The following IBTK variants were observed in gnomAD, a reference collection of about 807,000 sequenced individuals.
IBTK encodes inhibitor of Bruton tyrosine kinase, also known as BTK-binding protein.
A neutral mutation model predicts 154.9 loss-of-function variants in IBTK; 83 were observed. The observed-to-expected ratio is 0.54, with a 90% confidence interval of 0.45 to 0.64. The LOEUF (loss-of-function observed/expected upper bound fraction) is 0.64. Ranked by LOEUF, IBTK falls within the 30% of genes least tolerant of loss-of-function variation. IBTK has a pLI of 0.00. For synonymous variants in IBTK, 515 were observed against 536.1 expected (o/e 0.96, Z 0.54); for missense variants, 1,332 against 1,584.6 (o/e 0.84, Z 2.71).
intron 26 of IBTK, 104 bp downstream of exon 26, chr6:82,181,775 C>CA (rs1474672205): frequency 2.0e-5 from 15 of 764,990 alleles, no homozygotes; most frequent in Non-Finnish European, 2.8e-5. Flanking sequence ...AAAGAGTGTA[C>CA]AAAAAATCTG....
rs1769796700 is a variant in IBTK at position 82,214,617 on chromosome 6, A to G, written c.1814T>C (p.Ile605Thr). ...TGCAGAATCTTCATCTTTCTGGTAA[A>G]TATCTGTAAATTCTGAAGTATTACC... ...SDGNTSEFTDIYQKDEDSAGC... is the reference protein window; with the variant it reads ...SDGNTSEFTDTYQKDEDSAGC... The change falls in exon 12 of 29, where the codon ATT becomes ACT. Residue 605 changes from isoleucine (I) to threonine (T), a missense_variant. Ile to Thr is a moderately conservative substitution (Grantham distance 89). This residue lies in a region of IBTK where 1,134 missense variants were observed against 1,274.7 expected (regional missense o/e 0.89). Coordinates refer to ENST00000306270, the MANE Select transcript of IBTK (RefSeq NM_015525.4). The G allele has an allele frequency of 6.2e-7, 1 of 1,613,972 alleles. No individual in the cohort carries two copies. Among genetic ancestry groups the G allele is most frequent in the African/African-American group, 1.3e-5 (1 of 74,938 alleles).
At chr6:82,200,323 C>A in intron 20 of IBTK, 70 bp from the exon 21 acceptor site, 1 of 1,090,866 alleles carries the variant, frequency 9.2e-7, no homozygotes, top group Non-Finnish European at 1.4e-6. Flanking sequence ...TTATTTAACC[C>A]AACATGTTTA....
At chr6:82,226,153 A>G (rs1411792614) in intron 5 of IBTK, among the ~76,000 whole-genome samples, 4 of 152,210 alleles carry the variant, frequency 2.6e-5, no homozygotes, top group Non-Finnish European at 4.4e-5. Context: ...TGAAAACAGT[A>G]ATCAGTCAAT....
At chr6:82,206,883 C>A (rs1176091519) in intron 16 of IBTK, among the ~76,000 whole-genome samples, 2 of 152,108 alleles carry the variant, frequency 1.3e-5, no homozygotes, top group Non-Finnish European at 2.9e-5. Flanking sequence ...AAATCCCACA[C>A]CCTTTCATGA....
In IBTK at chr6:82,211,364, T is replaced by C. The variant is rs1443490340; in HGVS notation, c.2412+3A>G. 1.9e-6 allele frequency: 3 copies of C among 1,599,028 alleles called. No homozygotes were observed. Among genetic ancestry groups the C allele is most frequent in the East Asian group, 2.2e-5 (1 of 44,722 alleles). ...ACCTAGGCGCTTTTTACTTAAATCT[T>C]ACCTCAATCCATGAGCTACTCAGCA... On this transcript the variant is annotated splice_donor_region_variant and intron_variant, in intron 15 of 28. Transcript: ENST00000306270.
At chr6:82,194,188 A>G (rs941561255) in intron 23 of IBTK, among the ~76,000 whole-genome samples, 2 of 152,126 alleles carry the variant, frequency 1.3e-5, no homozygotes, top group Admixed American at 6.6e-5. Flanking sequence ...TAACCAATAC[A>G]TATTATCTAA....
chr6:82,225,233 C>CG (rs1770249664), intron 6 of IBTK, among the ~76,000 whole-genome samples: 1 of 151,958 alleles, frequency 6.6e-6, no homozygotes, highest in African/African-American at 2.4e-5. Context: ...TCGCTTGAAC[C>CG]CGAGGGGCAG....
chr6:82,212,413 T>C (rs1374170570), intron 13 of IBTK, among the ~76,000 whole-genome samples: 1 of 152,110 alleles, frequency 6.6e-6, no homozygotes, highest in African/African-American at 2.4e-5. Context: ...GCTAATAACA[T>C]TTCCTAATTA....
chr6:82,178,891 C>T (rs1370481650), intron 26 of IBTK, among the ~76,000 whole-genome samples: 2 of 152,210 alleles, frequency 1.3e-5, no homozygotes, highest in East Asian at 3.9e-4. Context: ...GCCAAGATGA[C>T]TAGAATACAG....
At chr6:82,187,413 A>T (rs1473647827) in intron 25 of IBTK, among the ~76,000 whole-genome samples, 2 of 152,138 alleles carry the variant, frequency 1.3e-5, no homozygotes, top group Non-Finnish European at 2.9e-5. Flanking sequence ...TATGTTTGAA[A>T]ATTAGTCAGA....
intron 26 of IBTK, among the ~76,000 whole-genome samples, chr6:82,176,521 C>CAAAAAAAAA (rs749153646): frequency 1.6e-5 from 1 of 61,482 alleles, no homozygotes. Context: ...GAGTCCGTCT[C>CAAAAAAAAA]AAAAAAAAAA....
rs187936538 is a variant in IBTK at position 82,234,984 on chromosome 6, C to G, written c.322-729G>C. On this transcript the variant is annotated intron_variant, in intron 2 of 28. Coordinates refer to ENST00000306270, the MANE Select transcript of IBTK (RefSeq NM_015525.4). ...CAAACAATTCTCCTGACTCAGCCTC[C>G]CGAGTAGCTGGGATTACAGGTGCCC... is the stretch of plus-strand genomic sequence containing the variant. Among the ~76,000 whole-genome samples the G allele has an allele frequency of 1.3e-3, 193 of 152,080 alleles. 1 individual carries two copies. The highest frequency in any genetic ancestry group is 4.3e-3 in the African/African-American group (178 of 41,478).
chr6:82,196,341 T>G lies in IBTK; in HGVS notation c.3131A>C (p.Gln1044Pro). 6.2e-7 allele frequency: 1 copy of G among 1,611,000 alleles called. No homozygotes were observed. Among genetic ancestry groups the G allele is most frequent in the Non-Finnish European group, 8.5e-7 (1 of 1,178,664 alleles). Residue 1044 changes from glutamine to proline, a missense_variant, in exon 22 of 29, where the codon CAG becomes CCG. By Grantham distance (76) the Gln-to-Pro change is moderately conservative. This residue lies in a region of IBTK where 1,134 missense variants were observed against 1,274.7 expected (regional missense o/e 0.89). Coordinates refer to ENST00000306270, the MANE Select transcript of IBTK (RefSeq NM_015525.4). ...AAATCCTGTTGTGAAATCAGGGGAC[T>G]GTAAATCTCTAGGACTACCCACTCC... ...YAGVGSPRDL[Q>P]SPDFTTGFHS... is the part of the protein sequence containing the mutation.
intron 23 of IBTK, among the ~76,000 whole-genome samples, chr6:82,192,472 T>A (rs901529859): frequency 6.6e-6 from 1 of 151,850 alleles, no homozygotes; most frequent in South Asian, 2.1e-4. Context: ...TCTGGCCAGG[T>A]GTGGTGGCTC....
intron 11 of IBTK, among the ~76,000 whole-genome samples, chr6:82,215,780 C>CAAAAAAAAAA (rs59634766): frequency 2.4e-5 from 2 of 82,122 alleles, no homozygotes; most frequent in African/African-American, 1.0e-4. Flanking sequence ...GACTCCATCT[C>CAAAAAAAAAA]AAAAAAAAAA....
At chr6:82,215,169 T>C (rs963514636) in intron 11 of IBTK, among the ~76,000 whole-genome samples, 14 of 152,192 alleles carry the variant, frequency 9.2e-5, no homozygotes, top group Non-Finnish European at 1.9e-4. Flanking sequence ...CCAACCCTCC[T>C]GTGGTTTGCC....
chr6:82,181,158 G>A (rs1768304953), intron 26 of IBTK, among the ~76,000 whole-genome samples: 1 of 152,164 alleles, frequency 6.6e-6, no homozygotes, highest in African/African-American at 2.4e-5. Flanking sequence ...GGGAGGCTGA[G>A]GTAGAAGAAC....
intron 26 of IBTK, among the ~76,000 whole-genome samples, chr6:82,180,496 C>T (rs1358840807): frequency 6.6e-6 from 1 of 152,146 alleles, no homozygotes; most frequent in Non-Finnish European, 1.5e-5. Flanking sequence ...AAGTGATCTG[C>T]CCACCTCGGC....
chr6:82,243,895 A>AG (rs1233675990), intron 1 of IBTK, among the ~76,000 whole-genome samples: 3 of 152,152 alleles, frequency 2.0e-5, no homozygotes, highest in African/African-American at 7.2e-5. Context: ...AAACATTTAA[A>AG]GGGGGGAAAA....
Sources: allele counts gnomAD v4.1 joint callset (sites outside exome capture counted in the v4.1 genomes callset), GRCh38; gene constraint gnomAD v4.1.1; regional missense constraint gnomAD v4.1.1; transcripts MANE v1.5; gene names NCBI Gene and HGNC (gene_info 2026-07-23, HGNC 2026-07-21).